The following TMEM62 variants were observed in gnomAD, a reference collection of about 807,000 sequenced individuals.
The protein encoded by TMEM62 is transmembrane protein 62.
A neutral mutation model predicts 70.4 loss-of-function variants in TMEM62; 41 were observed. The observed-to-expected ratio is 0.58, with a 90% CI of 0.45 to 0.76. The LOEUF is 0.76. Ranked by LOEUF, TMEM62 falls within the 30% of genes least tolerant of loss-of-function variation. The pLI is 0.00. For missense variants in TMEM62, 688 were observed against 788.5 expected, an observed-to-expected ratio of 0.87 and a Z score of 1.53; for synonymous variants, 268 against 291.0, an observed-to-expected ratio of 0.92 and a Z score of 0.80.
At chr15:43,168,023 C>T (rs1306115954) in intron 10 of TMEM62, among the ~76,000 whole-genome samples, 1 of 151,984 alleles carries the variant, frequency 6.6e-6, no homozygotes, top group Non-Finnish European at 1.5e-5. Flanking sequence ...ACTCGGCAGG[C>T]TGAGGCAGGA....
At position 43,169,660 on chromosome 15, in the gene TMEM62, G is replaced by T. The variant is rs759774304; in HGVS notation, c.1364G>T (p.Gly455Val). 1.2e-6 allele frequency: 2 copies of T among 1,613,982 alleles called. No homozygotes were observed. The highest frequency in any genetic ancestry group is 2.2e-5 in the South Asian group (2 of 91,074). ...LTILIIFRYR[G>V]YPELKEPSGF... ...ATTCTCATTATTTTTAGATATCGAG[G>T]ATACCCAGAGCTTAAAGGTTAGTTA... Residue 455 changes from glycine to valine, a missense_variant, in exon 11 of 14, where the codon GGA (glycine) becomes GTA (valine). Physicochemically the swap from Gly to Val is moderately radical, Grantham distance 109. Coordinates refer to ENST00000260403, the MANE Select transcript of TMEM62 (RefSeq NM_024956.4).
intron 4 of TMEM62, among the ~76,000 whole-genome samples, chr15:43,140,126 C>T (rs1294635351): frequency 1.3e-5 from 2 of 152,138 alleles, no homozygotes; most frequent in South Asian, 4.1e-4. Context: ...AGGGCCTCCT[C>T]TCCCCACCCT....
Position 43,151,814 on chromosome 15 carries a change from C to T in TMEM62, c.891C>T (p.His297=), listed in dbSNP as rs148329822. Reference sequence around the variant, plus strand: ...GGTACCGGATTTTTGCTTTTGATCACGACCTCTTTAGCTTTGCAGATTTGA... The same window carrying T: ...GGTACCGGATTTTTGCTTTTGATCATGACCTCTTTAGCTTTGCAGATTTGA... ...NRRYRIFAFD[H]DLFSFADLIF... is the part of the protein sequence containing the mutation. Residue 297 remains histidine (H), a synonymous_variant, in exon 8 of 14, where the codon CAC becomes CAT. Coordinates refer to ENST00000260403, the MANE Select transcript of TMEM62 (RefSeq NM_024956.4). 3.5e-5 allele frequency: 56 copies of T among 1,613,540 alleles called. No individual in the cohort carries two copies. The highest frequency in any genetic ancestry group is 1.9e-4 in the South Asian group (17 of 90,980).
chr15:43,151,438 G>A (rs900765131), intron 7 of TMEM62, among the ~76,000 whole-genome samples: 5 of 151,904 alleles, frequency 3.3e-5, no homozygotes, highest in Admixed American at 6.6e-5. Flanking sequence ...AGAATGTCAA[G>A]TATTAGGGTT....
chr15:43,146,397 G>A (rs541302261), intron 4 of TMEM62, 96 bp from the exon 5 acceptor site: 16 of 1,187,302 alleles, frequency 1.3e-5, no homozygotes, highest in Admixed American at 1.2e-4. Flanking sequence ...AGCAAATCTC[G>A]TTTTCAAAGG....
intron 10 of TMEM62, among the ~76,000 whole-genome samples, chr15:43,165,669 C>G (rs1471266796): frequency 2.0e-5 from 3 of 151,480 alleles, no homozygotes; most frequent in African/African-American, 4.9e-5. Context: ...GGAGGCGGAG[C>G]TTGTAGTGAG....
chr15:43,146,497 T>C lies in TMEM62; in HGVS notation c.481T>C (p.Tyr161His), dbSNP rs1210686133. 1 of 1,605,124 alleles carries C rather than the reference T, an allele frequency of 6.2e-7. No homozygotes were observed. The highest frequency in any genetic ancestry group is 8.5e-7 in the Non-Finnish European group (1 of 1,177,326). The stretch of plus-strand genomic sequence containing the variant: ...CTCCTGTCTTCTATTTTTTAGGAAA[T>C]ATTCTGCTGTACGTAGAGATGGCTC... Reference protein sequence around the residue: ...LDSIKNYYRKYSAVRRDGSFH... With the variant: ...LDSIKNYYRKHSAVRRDGSFH... Residue 161 changes from tyrosine to histidine, a missense_variant, in exon 5 of 14, where the codon TAT becomes CAT. Coordinates refer to ENST00000260403, the MANE Select transcript of TMEM62 (RefSeq NM_024956.4).
chr15:43,158,826 G>A (rs144213118), intron 9 of TMEM62, among the ~76,000 whole-genome samples: 24 of 152,226 alleles, frequency 1.6e-4, no homozygotes, highest in African/African-American at 5.5e-4. Flanking sequence ...TCTGCCAAAG[G>A]TGACTGAGTC....
chr15:43,138,773 C>T (rs1193538641), intron 4 of TMEM62, among the ~76,000 whole-genome samples, 154 bp downstream of exon 4: 4 of 152,134 alleles, frequency 2.6e-5, no homozygotes, highest in Non-Finnish European at 5.9e-5. Context: ...TGAGCTCAAA[C>T]GATCCTCCTG....
intron 4 of TMEM62, among the ~76,000 whole-genome samples, chr15:43,145,304 AAGCCATTGTCCTGCCTC>A (rs1257813589): frequency 6.7e-6 from 1 of 149,770 alleles, no homozygotes; most frequent in African/African-American, 2.5e-5. Context: ...TCCCGGGTTC[AAGCCATTGTCCTGCCTC>A]AGCCTCTGGA....
At chr15:43,157,014 T>C (rs542981743) in intron 9 of TMEM62, among the ~76,000 whole-genome samples, 1 of 152,306 alleles carries the variant, frequency 6.6e-6, no homozygotes, top group South Asian at 2.1e-4. Flanking sequence ...CATTCATTCA[T>C]GGGAAAGTTC....
chr15:43,171,115 C>A (rs1268325621), intron 11 of TMEM62, among the ~76,000 whole-genome samples: 4 of 152,158 alleles, frequency 2.6e-5, no homozygotes, highest in Non-Finnish European at 5.9e-5. Context: ...ACGGGCAGAT[C>A]ACCTGAGATC....
rs186927399 is a variant in TMEM62 at position 43,163,004 on chromosome 15, T to C, written c.1296+2210T>C. The stretch of plus-strand genomic sequence containing the variant: ...CTCGCTCATTAAAATATAAGCCCCA[T>C]GAGGGCTTATATTTTGGTATGCTTG... On this transcript the variant is annotated intron_variant, in intron 10 of 13. Coordinates refer to ENST00000260403, the MANE Select transcript of TMEM62 (RefSeq NM_024956.4). Among the ~76,000 whole-genome samples, 586 of 151,736 alleles carry C rather than the reference T, an allele frequency of 3.9e-3. 2 individuals carry two copies. The highest frequency in any genetic ancestry group is 0.013 in the African/African-American group (559 of 41,484).
chr15:43,160,903 G>C, intron 10 of TMEM62, 109 bp downstream of exon 10: 1 of 483,196 alleles, frequency 2.1e-6, no homozygotes, highest in Non-Finnish European at 3.6e-6. Context: ...AGTTACCGAA[G>C]GTCATCCATG....
chr15:43,153,290 G>A (rs1206679380), intron 8 of TMEM62, among the ~76,000 whole-genome samples: 1 of 151,988 alleles, frequency 6.6e-6, no homozygotes, highest in Non-Finnish European at 1.5e-5. Context: ...GGCATAAAAT[G>A]TACCATTTTA....
chr15:43,157,093 T>G (rs2038135423), intron 9 of TMEM62, among the ~76,000 whole-genome samples: 2 of 152,174 alleles, frequency 1.3e-5, no homozygotes, highest in African/African-American at 4.8e-5. Context: ...GAGAAGACAC[T>G]TATTATCTAA....
Position 43,133,987 on chromosome 15 carries a change from C to T in TMEM62, c.180+5C>T, listed in dbSNP as rs1267331200. ...AACATCTTCTGGGGCCTGCAGGTGA[C>T]GCGGCGGGAAGCCGGGCCGGGAGGC... On this transcript the variant is annotated splice_donor_5th_base_variant and intron_variant, in intron 1 of 13. Coordinates refer to ENST00000260403, the MANE Select transcript of TMEM62 (RefSeq NM_024956.4). 1 of 1,440,494 alleles carries T rather than the reference C, an allele frequency of 6.9e-7. No individual in the cohort carries two copies. Among genetic ancestry groups the T allele is most frequent in the East Asian group, 2.5e-5 (1 of 39,242 alleles). The allele number at this position is 1,440,494 out of a possible 1,614,324, so 89.2% of individuals were successfully genotyped here. A position where few individuals can be genotyped will look rare whatever the true frequency, so the allele number is the denominator to read the frequency against.
intron 4 of TMEM62, among the ~76,000 whole-genome samples, chr15:43,140,637 T>C (rs1210194639): frequency 2.0e-5 from 3 of 152,204 alleles, no homozygotes; most frequent in African/African-American, 7.2e-5. Context: ...ACTAGATTTG[T>C]ACCTCTTTTC....
chr15:43,151,156 G>A (rs1180914231), intron 7 of TMEM62, among the ~76,000 whole-genome samples: 1 of 151,990 alleles, frequency 6.6e-6, no homozygotes, highest in Non-Finnish European at 1.5e-5. Context: ...GACCAGCCTG[G>A]CCAACATGGT....
Sources: gnomAD v4.1 joint callset for allele counts (sites outside exome capture counted in the v4.1 genomes callset) on GRCh38, gnomAD v4.1.1 for gene constraint, MANE v1.5 for transcripts, NCBI Gene and HGNC (gene_info 2026-07-23, HGNC 2026-07-21) for gene names.